CEPT1: variants seen among roughly 807,000 people sequenced by gnomAD.
The protein encoded by CEPT1 is choline/ethanolaminephosphotransferase 1.
In CEPT1, 7 loss-of-function variants were observed where a neutral mutation model predicts 42.6. The observed-to-expected ratio is 0.16, with a 90% CI of 0.09 to 0.31. The LOEUF (loss-of-function observed/expected upper bound fraction) is 0.31, where lower values mean the gene tolerates loss of function less well. Among genes scored for constraint, CEPT1 ranks in the 10% least tolerant of loss-of-function variants. The pLI, the probability that CEPT1 is intolerant of heterozygous loss-of-function variation, is 1.00. For synonymous variants in CEPT1, 171 were observed against 171.9 expected (o/e 0.99, Z 0.04); for missense variants, 306 against 502.1 (o/e 0.61, Z 3.73).
chr1:111,183,602 A>G lies in CEPT1; in HGVS notation c.1131+15A>G. The G allele has an allele frequency of 6.2e-7, 1 of 1,604,452 alleles. No homozygotes were observed. The highest frequency in any genetic ancestry group is 1.1e-5 in the South Asian group (1 of 90,466). On this transcript the variant is annotated intron_variant, in intron 8 of 8. Transcript: ENST00000357172. ...GGATTGCCCTGGTAAGTATTGTACT[A>G]AGTCTTATTTCATGGTTTGAGGGTT... is the stretch of plus-strand genomic sequence containing the variant.
rs181179100 is a variant in CEPT1 at position 111,179,472 on chromosome 1, G to A, written c.715-2715G>A. ...TTTGGCCACCTTTGATAAGTTCCAAGATGATGACAGAAAGAAAAAGATTGG... is the reference window on the plus strand; with the variant it reads ...TTTGGCCACCTTTGATAAGTTCCAAAATGATGACAGAAAGAAAAAGATTGG... On this transcript the variant is annotated intron_variant, in intron 5 of 8. Coordinates refer to ENST00000357172, the MANE Select transcript of CEPT1 (RefSeq NM_006090.5). The A allele has an allele frequency of 2.0e-5, 3 of 152,300 alleles. No individual in the cohort carries two copies. In the East Asian group the frequency reaches 5.8e-4, roughly 29 times the overall value. 9.4% of individuals were successfully genotyped at this position (152,300 alleles called of 1,614,324 possible). A position where few individuals can be genotyped will look rare whatever the true frequency, so the allele number is the denominator to read the frequency against.
At chr1:111,182,377 TTTTG>T (rs1418232230) in intron 6 of CEPT1, 59 bp downstream of exon 6, 54 of 1,520,548 alleles carry the variant, frequency 3.6e-5, no homozygotes, top group Non-Finnish European at 1.4e-5. Context: ...TTTGTTGTCA[TTTTG>T]TTTTTTATTT....
rs1247149716 is a variant in CEPT1, at chr1:111,168,437, A to G, written c.630-6442A>G. On this transcript the variant is annotated intron_variant, in intron 4 of 8. Transcript: ENST00000357172. ...AAAAAAAAGAATTGTAAACATTTTA[A>G]TATTGCTTCAATAATACAGAAATAG... is the stretch of plus-strand genomic sequence containing the variant. 6.6e-5 allele frequency among the ~76,000 whole-genome samples: 10 copies of G among 151,864 alleles called. No homozygotes were observed. The East Asian group carries it at 1.9e-3, about 29-fold the overall frequency.
chr1:111,176,390 C>A (rs1571152931), intron 5 of CEPT1, among the ~76,000 whole-genome samples: 1 of 152,072 alleles, frequency 6.6e-6, no homozygotes, highest in Non-Finnish European at 1.5e-5. Flanking sequence ...AGCTTACCCC[C>A]ATTCCTAAAG....
At chr1:111,148,407 G>A (rs1324529988) in intron 2 of CEPT1, among the ~76,000 whole-genome samples, 1 of 150,686 alleles carries the variant, frequency 6.6e-6, no homozygotes, top group East Asian at 1.9e-4. Flanking sequence ...AAAACTCTCT[G>A]GTATTTAGTA....
At chr1:111,140,937 C>T (rs576211410) in intron 1 of CEPT1, among the ~76,000 whole-genome samples, 3 of 152,336 alleles carry the variant, frequency 2.0e-5, no homozygotes, top group Non-Finnish European at 2.9e-5. Flanking sequence ...TGCCAGTATT[C>T]CCAGAAACAC....
intron 3 of CEPT1, 48 bp from the exon 4 acceptor site, chr1:111,161,107 G>A (rs764965634): frequency 6.2e-7 from 1 of 1,604,340 alleles, no homozygotes; most frequent in Non-Finnish European, 8.5e-7. Context: ...CAGCTCAGTT[G>A]TTTGCTATTC....
intron 1 of CEPT1, among the ~76,000 whole-genome samples, chr1:111,144,700 C>T (rs1032492810): frequency 1.3e-5 from 2 of 152,164 alleles, no homozygotes; most frequent in African/African-American, 4.8e-5. Flanking sequence ...GAATAGAATA[C>T]TGCAACAGTA....
chr1:111,144,087 T>C (rs750474124), intron 1 of CEPT1, among the ~76,000 whole-genome samples: 16 of 152,240 alleles, frequency 1.1e-4, no homozygotes, highest in Admixed American at 7.9e-4. Flanking sequence ...ACATCCATTT[T>C]TCCTTTCTCG....
At chr1:111,170,824 A>G (rs1656379268) in intron 4 of CEPT1, among the ~76,000 whole-genome samples, 2 of 152,168 alleles carry the variant, frequency 1.3e-5, no homozygotes, top group Non-Finnish European at 2.9e-5. Context: ...AATAGCTCAC[A>G]GGTCAAATTG....
intron 4 of CEPT1, among the ~76,000 whole-genome samples, chr1:111,170,135 A>G (rs1656347878): frequency 6.6e-6 from 1 of 152,194 alleles, no homozygotes; most frequent in Non-Finnish European, 1.5e-5. Context: ...GAATAAGTTC[A>G]TGATCCCTTT....
intron 1 of CEPT1, among the ~76,000 whole-genome samples, chr1:111,142,399 A>G (rs1231323165): frequency 6.6e-6 from 1 of 152,204 alleles, no homozygotes; most frequent in Non-Finnish European, 1.5e-5. Flanking sequence ...AAGGTATGGA[A>G]TGTTATATTT....
Position 111,157,261 on chromosome 1 carries a change from C to T in CEPT1, c.340-2119C>T, listed in dbSNP as rs185358585. 3.9e-4 allele frequency among the ~76,000 whole-genome samples: 59 copies of T among 152,040 alleles called. No homozygotes were observed. In the East Asian group the frequency reaches 0.01, roughly 26 times the overall value. On this transcript the variant is annotated intron_variant, in intron 2 of 8. Coordinates refer to ENST00000357172, the MANE Select transcript of CEPT1 (RefSeq NM_006090.5). ...GTGTATATACTAGTTATCTTTGCTC[C>T]GGAGCAACATTTTGCCCCATTAAAA...
chr1:111,147,683 C>T lies in CEPT1; in HGVS notation c.-32C>T, dbSNP rs1406230299. 1 of 1,475,220 alleles carries T rather than the reference C, an allele frequency of 6.8e-7. No individual in the cohort carries two copies. Among genetic ancestry groups the T allele is most frequent in the East Asian group, 2.3e-5 (1 of 43,524 alleles). 91.4% of individuals were successfully genotyped at this position (1,475,220 alleles called of 1,614,324 possible). A position where few individuals can be genotyped will look rare whatever the true frequency, so the allele number is the denominator to read the frequency against. ...AAAACCTACAAAAGAAGGGAAATTA[C>T]TGTCTTTAAATATTAAAAAAAAACA... is the stretch of plus-strand genomic sequence containing the variant. On this transcript the variant is annotated 5_prime_UTR_variant, in exon 2 of 9. Transcript: ENST00000357172.
At chr1:111,172,255 T>C (rs1461902350) in intron 4 of CEPT1, among the ~76,000 whole-genome samples, 1 of 152,214 alleles carries the variant, frequency 6.6e-6, no homozygotes, top group East Asian at 1.9e-4. Flanking sequence ...TGAAGGGTTT[T>C]TTGGTTTTGT....
chr1:111,168,819 A>T (rs940167651), intron 4 of CEPT1, among the ~76,000 whole-genome samples: 3 of 152,126 alleles, frequency 2.0e-5, no homozygotes, highest in Middle Eastern at 3.2e-3. Flanking sequence ...TTGAGGACAA[A>T]TTCATAGGGA....
chr1:111,180,279 T>C (rs927878287), intron 5 of CEPT1: 2 of 152,150 alleles, frequency 1.3e-5, no homozygotes, highest in African/African-American at 4.8e-5. Flanking sequence ...AGAGATCTTT[T>C]GTCTCTATGG....
chr1:111,182,355 C>G, intron 6 of CEPT1, 37 bp downstream of exon 6: 1 of 1,594,524 alleles, frequency 6.3e-7, no homozygotes, highest in Non-Finnish European at 8.5e-7. Context: ...CTTGTTTACA[C>G]TAGGACTTGG....
intron 5 of CEPT1, chr1:111,180,420 T>G (rs1178296319): frequency 6.6e-6 from 1 of 152,194 alleles, no homozygotes; most frequent in African/African-American, 2.4e-5. Flanking sequence ...GAAAAATCTC[T>G]TGGAGTTCAA....
Sources: gnomAD v4.1 joint callset for allele counts (sites outside exome capture counted in the v4.1 genomes callset) on GRCh38, gnomAD v4.1.1 for gene constraint, MANE v1.5 for transcripts, NCBI Gene and HGNC (gene_info 2026-07-23, HGNC 2026-07-21) for gene names.